Variants in SLC24A3 observed in about 807,000 individuals in gnomAD.
The protein encoded by SLC24A3 is solute carrier family 24 member 3, also known as sodium/potassium/calcium exchanger 3.
SLC24A3 carries 28 observed loss-of-function variants against 75.8 expected under a neutral mutation model. The ratio of observed to expected loss-of-function variants is 0.37; its 90% CI spans 0.27 to 0.51. The LOEUF (loss-of-function observed/expected upper bound fraction) is 0.51. SLC24A3 is among the 20% of genes least tolerant of loss of function. The pLI, the probability that SLC24A3 is intolerant of heterozygous loss-of-function variation, is 0.94. For missense variants in SLC24A3, 663 were observed against 847.8 expected, an observed-to-expected ratio of 0.78 and a Z score of 2.71; for synonymous variants, 372 against 334.1, an observed-to-expected ratio of 1.11 and a Z score of -1.24.
chr20:19,563,863 A>G (rs1478460529), intron 3 of SLC24A3, among the ~76,000 whole-genome samples: 2 of 152,216 alleles, frequency 1.3e-5, no homozygotes, highest in Non-Finnish European at 2.9e-5. Context: ...GAAAATTCCT[A>G]CCTTATTGTG....
chr20:19,251,111 T>C (rs79744814), intron 1 of SLC24A3, among the ~76,000 whole-genome samples: 1 of 152,254 alleles, frequency 6.6e-6, no homozygotes, highest in Admixed American at 6.5e-5. Flanking sequence ...ACCTGACTTT[T>C]GTCATGCAGC....
chr20:19,360,727 A>G (rs1985770314), intron 2 of SLC24A3, among the ~76,000 whole-genome samples: 1 of 152,282 alleles, frequency 6.6e-6, no homozygotes, highest in Non-Finnish European at 1.5e-5. Context: ...TAGACATCAC[A>G]GCACATGTGA....
chr20:19,394,571 A>G (rs1986420687), intron 2 of SLC24A3, among the ~76,000 whole-genome samples: 1 of 152,214 alleles, frequency 6.6e-6, no homozygotes, highest in Non-Finnish European at 1.5e-5. Context: ...ACATTCCTTC[A>G]AAAAAGATGT....
chr20:19,600,768 C>T (rs570493857), intron 6 of SLC24A3, among the ~76,000 whole-genome samples: 5 of 152,200 alleles, frequency 3.3e-5, no homozygotes, highest in Admixed American at 1.3e-4. Flanking sequence ...CAGTGATCCT[C>T]CCACCTCAGC....
intron 6 of SLC24A3, among the ~76,000 whole-genome samples, chr20:19,595,346 C>T (rs17293677): frequency 0.039 from 5,880 of 152,272 alleles, 179 homozygotes; most frequent in Non-Finnish European, 0.049. Flanking sequence ...GAAGCATCTT[C>T]GATAAGGGCC....
intron 10 of SLC24A3, 89 bp from the exon 11 acceptor site, chr20:19,684,087 G>T: frequency 2.1e-6 from 3 of 1,434,966 alleles, no homozygotes; most frequent in South Asian, 1.3e-5. Flanking sequence ...AAGGGAGGAA[G>T]AGAAAAGAAG....
chr20:19,344,831 T>C (rs982853345), intron 2 of SLC24A3, among the ~76,000 whole-genome samples: 18 of 152,138 alleles, frequency 1.2e-4, no homozygotes, highest in African/African-American at 4.3e-4. Flanking sequence ...CAAGGGAAAA[T>C]GTGTAGAGCA....
At chr20:19,325,401 G>A (rs1025794336) in intron 2 of SLC24A3, among the ~76,000 whole-genome samples, 2 of 151,806 alleles carry the variant, frequency 1.3e-5, no homozygotes, top group East Asian at 1.9e-4. Flanking sequence ...TGCTGTAATG[G>A]CATCACTGCA....
chr20:19,639,600 G>C (rs2032046915), intron 6 of SLC24A3, among the ~76,000 whole-genome samples: 1 of 152,376 alleles, frequency 6.6e-6, no homozygotes, highest in African/African-American at 2.4e-5. Context: ...GCAGGTGGAG[G>C]TGCCTGCCAG....
intron 15 of SLC24A3, among the ~76,000 whole-genome samples, chr20:19,705,875 C>G (rs2032924823): frequency 6.6e-6 from 1 of 152,160 alleles, no homozygotes; most frequent in African/African-American, 2.4e-5. Context: ...CAGAAGGCAG[C>G]TAGTTACCTA....
intron 1 of SLC24A3, among the ~76,000 whole-genome samples, chr20:19,270,392 TCAG>T (rs575496651): frequency 1.9e-4 from 29 of 152,296 alleles, no homozygotes; most frequent in African/African-American, 7.0e-4. Context: ...ATATCTTAGT[TCAG>T]GCTGCTATAA....
intron 2 of SLC24A3, among the ~76,000 whole-genome samples, chr20:19,388,017 A>G (rs1986300326): frequency 6.6e-6 from 1 of 152,152 alleles, no homozygotes; most frequent in South Asian, 2.1e-4. Flanking sequence ...ATGTTTTGAT[A>G]CAGGTATGCA....
intron 16 of SLC24A3, among the ~76,000 whole-genome samples, chr20:19,720,347 A>G (rs1364080732): frequency 6.6e-6 from 1 of 152,204 alleles, no homozygotes; most frequent in Non-Finnish European, 1.5e-5. Context: ...TCACAGAGAA[A>G]GTCAGCAGGA....
chr20:19,419,770 A>T (rs906488811), intron 2 of SLC24A3, among the ~76,000 whole-genome samples: 1 of 151,154 alleles, frequency 6.6e-6, no homozygotes, highest in Admixed American at 6.6e-5. Context: ...GATGGAGGCC[A>T]CACGGGCTCA....
chr20:19,230,018 T>TA (rs921616183), intron 1 of SLC24A3, among the ~76,000 whole-genome samples: 3 of 151,916 alleles, frequency 2.0e-5, no homozygotes, highest in Admixed American at 1.3e-4. Context: ...ATATTGAGAT[T>TA]AAAAAAAATG....
intron 2 of SLC24A3, among the ~76,000 whole-genome samples, chr20:19,481,050 T>A (rs777152620): frequency 5.9e-5 from 9 of 152,188 alleles, no homozygotes; most frequent in Non-Finnish European, 1.3e-4. Flanking sequence ...GACTGCACAA[T>A]CATAGAAGTA....
chr20:19,303,417 G>A (rs962780671), intron 2 of SLC24A3, among the ~76,000 whole-genome samples: 1 of 152,142 alleles, frequency 6.6e-6, no homozygotes, highest in African/African-American at 2.4e-5. Context: ...ACCGTTGATG[G>A]GCATTTAGGT....
intron 2 of SLC24A3, among the ~76,000 whole-genome samples, chr20:19,404,227 T>C (rs1986602520): frequency 6.6e-6 from 1 of 152,228 alleles, no homozygotes; most frequent in African/African-American, 2.4e-5. Context: ...GAGCTGGGAA[T>C]ATCTCGGTTA....
At chr20:19,392,963 A>T (rs1390278000) in intron 2 of SLC24A3, among the ~76,000 whole-genome samples, 1 of 152,168 alleles carries the variant, frequency 6.6e-6, no homozygotes, top group Non-Finnish European at 1.5e-5. Flanking sequence ...CTTTATGGCC[A>T]GAACAAAAAT....
Sources: gnomAD v4.1 joint callset for allele counts (sites outside exome capture counted in the v4.1 genomes callset) on GRCh38, gnomAD v4.1.1 for gene constraint, MANE v1.5 for transcripts, NCBI Gene and HGNC (gene_info 2026-07-23, HGNC 2026-07-21) for gene names.